DNM3: variants seen among roughly 807,000 people sequenced by gnomAD.
The protein encoded by DNM3 is dynamin 3, also known as dynamin-3.
A neutral mutation model predicts 101.6 loss-of-function variants in DNM3; 47 were observed. That is an observed-to-expected ratio of 0.46 (90% CI 0.37 to 0.59). DNM3 has a LOEUF of 0.59. Among genes scored for constraint, DNM3 ranks in the 20% least tolerant of loss-of-function variants. The pLI is 0.00. For missense variants in DNM3, 849 were observed against 1,085.7 expected (o/e 0.78, Z 3.06); for synonymous variants, 385 against 387.9 (o/e 0.99, Z 0.09).
intron 1 of DNM3, among the ~76,000 whole-genome samples, chr1:171,883,922 A>T (rs1031635513): frequency 6.6e-6 from 1 of 152,218 alleles, no homozygotes; most frequent in Non-Finnish European, 1.5e-5. Context: ...CCTCTCTCTT[A>T]TAAGGGTTTG....
chr1:172,031,511 A>T (rs568306617), intron 4 of DNM3, among the ~76,000 whole-genome samples: 9 of 144,382 alleles, frequency 6.2e-5, no homozygotes, highest in African/African-American at 2.1e-4. Flanking sequence ...CGGCACTCGT[A>T]TACCTATGTA....
chr1:172,048,496 C>G, intron 9 of DNM3, 116 bp from the exon 10 acceptor site: 1 of 1,209,086 alleles, frequency 8.3e-7, no homozygotes, highest in Non-Finnish European at 1.1e-6. Flanking sequence ...AACTTTTAAA[C>G]TTGGTCTATT....
chr1:172,045,133 T>G (rs773623084), intron 9 of DNM3, among the ~76,000 whole-genome samples: 2 of 146,296 alleles, frequency 1.4e-5, no homozygotes, highest in Non-Finnish European at 3.0e-5. Context: ...GCTTGAGGAA[T>G]GCAGTCAGGA....
intron 17 of DNM3, among the ~76,000 whole-genome samples, chr1:172,328,877 G>T (rs1420690925): frequency 6.6e-6 from 1 of 151,856 alleles, no homozygotes; most frequent in African/African-American, 2.4e-5. Flanking sequence ...ACAGGGTCTC[G>T]CTAAGTTTCC....
At chr1:171,905,648 A>AACC (rs1180963867) in intron 1 of DNM3, among the ~76,000 whole-genome samples, 1 of 152,186 alleles carries the variant, frequency 6.6e-6, no homozygotes, top group East Asian at 1.9e-4. Context: ...TTTAGGGGAG[A>AACC]ATATTAAAAC....
intron 11 of DNM3, among the ~76,000 whole-genome samples, chr1:172,071,086 C>CATAT (rs56255511): frequency 0.07 from 4,526 of 64,922 alleles, 255 homozygotes; most frequent in Non-Finnish European, 0.089. Context: ...CAAGACCCTG[C>CATAT]ATATATATAT....
chr1:172,394,604 T>C (rs944924810), intron 20 of DNM3, among the ~76,000 whole-genome samples: 3 of 152,232 alleles, frequency 2.0e-5, no homozygotes, highest in South Asian at 2.1e-4. Context: ...TCTGTCATTG[T>C]TCTCTTTGGG....
chr1:172,201,578 G>GT (rs2060154116), intron 14 of DNM3, among the ~76,000 whole-genome samples: 1 of 152,214 alleles, frequency 6.6e-6, no homozygotes, highest in Non-Finnish European at 1.5e-5. Context: ...TGGGGGATGT[G>GT]TGGGACCCAT....
rs531173791 is a variant in DNM3, at chr1:172,298,889, GAAA to G, written c.1770-9838_1770-9836del. 6.9e-3 allele frequency among the ~76,000 whole-genome samples: 1,044 copies of G among 150,938 alleles called. 8 individuals are homozygous for G. The highest frequency in any genetic ancestry group is 0.024 in the African/African-American group (987 of 41,112). Reference sequence around the variant, plus strand: ...AGAGAGAGAGAGAAAGACAGAGAAAGAAAGAAAGGAAAAGAAAGAAGGATAAAA... The same window carrying G: ...AGAGAGAGAGAGAAAGACAGAGAAAGGAAAGGAAAAGAAAGAAGGATAAAA... On this transcript the variant is annotated intron_variant, in intron 15 of 20. Transcript: ENST00000627582.
In DNM3 at chr1:172,411,926, G is replaced by T; in HGVS notation, c.*4085G>T. 4.1e-6 allele frequency: 4 copies of T among 985,760 alleles called. No homozygotes were observed. Among genetic ancestry groups the T allele is most frequent in the Non-Finnish European group, 4.8e-6 (4 of 829,850 alleles). 61.1% of individuals were successfully genotyped at this position (985,760 alleles called of 1,614,324 possible). ...TGTACATTCTAAAAAGCTCAAATGAGTCTTCTAGATACTCTTACTCATCCT... is the reference window on the plus strand; with the variant it reads ...TGTACATTCTAAAAAGCTCAAATGATTCTTCTAGATACTCTTACTCATCCT... On this transcript the variant is annotated 3_prime_UTR_variant, in exon 21 of 21. Transcript: ENST00000627582.
At chr1:172,318,209 A>G (rs530859716) in intron 16 of DNM3, among the ~76,000 whole-genome samples, 1 of 152,336 alleles carries the variant, frequency 6.6e-6, no homozygotes, top group Admixed American at 6.5e-5. Flanking sequence ...TAAACTCTCA[A>G]TAAATTAGGT....
intron 1 of DNM3, among the ~76,000 whole-genome samples, chr1:171,855,722 C>T (rs1216451004): frequency 6.6e-6 from 1 of 151,940 alleles, no homozygotes; most frequent in African/African-American, 2.4e-5. Flanking sequence ...GTCCTTTGCC[C>T]ACTTTTTTCT....
At chr1:172,207,712 G>C (rs1448784483) in intron 14 of DNM3, among the ~76,000 whole-genome samples, 1 of 152,038 alleles carries the variant, frequency 6.6e-6, no homozygotes, top group Admixed American at 6.6e-5. Flanking sequence ...GATTATAAAG[G>C]TTGTCGTAGA....
chr1:172,030,900 C>T (rs1388220338), intron 4 of DNM3, among the ~76,000 whole-genome samples: 1 of 152,150 alleles, frequency 6.6e-6, no homozygotes, highest in Non-Finnish European at 1.5e-5. Context: ...AGTCAAGACA[C>T]AACAGATGCT....
At chr1:172,384,877 T>C (rs4916252) in intron 18 of DNM3, among the ~76,000 whole-genome samples, 72,429 of 152,116 alleles carry the variant, frequency 0.48, 20,320 homozygotes, top group East Asian at 0.87. Context: ...TGCATATACA[T>C]ACCCAACAGT....
intron 13 of DNM3, among the ~76,000 whole-genome samples, chr1:172,095,713 A>G (rs560387464): frequency 6.6e-6 from 1 of 152,158 alleles, no homozygotes; most frequent in Non-Finnish European, 1.5e-5. Flanking sequence ...TCCTGGTTGC[A>G]GAAGATTGTT....
chr1:172,117,092 C>T (rs547983668), intron 13 of DNM3, among the ~76,000 whole-genome samples: 45 of 151,990 alleles, frequency 3.0e-4, no homozygotes, highest in Middle Eastern at 6.8e-3. Flanking sequence ...GTAATCCCAG[C>T]TACTTGGGAG....
At position 172,048,592 on chromosome 1, in the gene DNM3, G is replaced by A. The variant is rs375847401; in HGVS notation, c.1197-20G>A. 7.6e-6 allele frequency: 12 copies of A among 1,586,984 alleles called. No homozygotes were observed. Among genetic ancestry groups the A allele is most frequent in the African/African-American group, 2.7e-5 (2 of 73,510 alleles). ...CTCAATTAAAAAAATCTCATGGGCT[G>A]CTTGCTTTCTTACCTTCAGGACAGG... On this transcript the variant is annotated intron_variant, in intron 9 of 20. Coordinates refer to ENST00000627582, the MANE Select transcript of DNM3 (RefSeq NM_015569.5).
intron 17 of DNM3, among the ~76,000 whole-genome samples, chr1:172,353,264 A>AAT (rs1285825304): frequency 6.6e-6 from 1 of 152,170 alleles, no homozygotes; most frequent in Non-Finnish European, 1.5e-5. Flanking sequence ...CATTCCATGG[A>AAT]ATATATAGAT....
Sources: gnomAD v4.1 joint callset for allele counts (sites outside exome capture counted in the v4.1 genomes callset) on GRCh38, gnomAD v4.1.1 for gene constraint, MANE v1.5 for transcripts, NCBI Gene and HGNC (gene_info 2026-07-23, HGNC 2026-07-21) for gene names.